Variants in ANXA5 observed in about 807,000 individuals in gnomAD.
The protein encoded by ANXA5 is CBP-I.
ANXA5 carries 40 observed loss-of-function variants against 48.1 expected under a neutral mutation model. The ratio of observed to expected loss-of-function variants is 0.83; its 90% CI spans 0.65 to 1.08. The LOEUF is 1.08. Among genes scored for constraint, ANXA5 ranks in the 50% least tolerant of loss-of-function variants. The pLI is 0.00. For synonymous variants in ANXA5, 113 were observed against 129.1 expected (o/e 0.88, Z 0.85); for missense variants, 357 against 376.8 (o/e 0.95, Z 0.44).
chr4:121,690,626 A>T (rs1724967788), intron 2 of ANXA5, among the ~76,000 whole-genome samples: 1 of 152,206 alleles, frequency 6.6e-6, no homozygotes, highest in Admixed American at 6.5e-5. Context: ...AAACTTCTGG[A>T]GAGACAGAGA....
chr4:121,678,787 A>T (rs1425236539), intron 6 of ANXA5, among the ~76,000 whole-genome samples: 1 of 152,200 alleles, frequency 6.6e-6, no homozygotes, highest in Non-Finnish European at 1.5e-5. Flanking sequence ...ATGGTACTGG[A>T]AAGTCTCCAA....
At chr4:121,686,525 G>C (rs1012303052) in intron 2 of ANXA5, among the ~76,000 whole-genome samples, 153 bp from the exon 3 acceptor site, 43 of 152,088 alleles carry the variant, frequency 2.8e-4, no homozygotes, top group African/African-American at 1.0e-3. Flanking sequence ...ACTGGGAAGG[G>C]AACCATTTAC....
At chr4:121,670,848 C>CT (rs1219350059) in intron 10 of ANXA5, among the ~76,000 whole-genome samples, 1 of 152,104 alleles carries the variant, frequency 6.6e-6, no homozygotes, top group Non-Finnish European at 1.5e-5. Context: ...TCATGCAGAT[C>CT]TTTAGCTTAG....
intron 2 of ANXA5, among the ~76,000 whole-genome samples, chr4:121,696,331 C>A (rs1263410905): frequency 6.6e-6 from 1 of 152,082 alleles, no homozygotes; most frequent in African/African-American, 2.4e-5. Context: ...GGCCACGTCA[C>A]CAGCTGTTGC....
At position 121,671,560 on chromosome 4, in the gene ANXA5, T is replaced by C. The variant is rs1224752019; in HGVS notation, c.708A>G (p.Leu236=). 1 of 1,611,442 alleles carries C rather than the reference T, an allele frequency of 6.2e-7. No individual in the cohort carries two copies. Among genetic ancestry groups the C allele is most frequent in the South Asian group, 1.1e-5 (1 of 90,988 alleles). The change falls in exon 10 of 13, where the codon CTA becomes CTG. Residue 236 remains leucine (L), a synonymous_variant. Coordinates refer to ENST00000296511, the MANE Select transcript of ANXA5 (RefSeq NM_001154.4). ...TAAATCACCTACCAACAGCAAGGAGTAGTTGCTCTAAATTGCCAGAAGTCT... is the reference window on the plus strand; with the variant it reads ...TAAATCACCTACCAACAGCAAGGAGCAGTTGCTCTAAATTGCCAGAAGTCT... ...DRETSGNLEQ[L]LLAVVKSIRS...
At chr4:121,686,466 C>G (rs1724892608) in intron 2 of ANXA5, 94 bp from the exon 3 acceptor site, 6 of 879,650 alleles carry the variant, frequency 6.8e-6, no homozygotes, top group Non-Finnish European at 1.1e-5. Flanking sequence ...ATATCATATT[C>G]AGTCATTAAA....
chr4:121,671,661 A>G lies in ANXA5; in HGVS notation c.626-19T>C. Reference sequence around the variant, plus strand: ...TCAAACACTAGAAAAAATAAAAATGATTCCCTAATCATGTAGGGATCACTC... The same window carrying G: ...TCAAACACTAGAAAAAATAAAAATGGTTCCCTAATCATGTAGGGATCACTC... On this transcript the variant is annotated intron_variant, in intron 9 of 12. Coordinates refer to ENST00000296511, the MANE Select transcript of ANXA5 (RefSeq NM_001154.4). The G allele has an allele frequency of 6.6e-7, 1 of 1,523,472 alleles. No homozygotes were observed. The highest frequency in any genetic ancestry group is 2.3e-5 in the East Asian group (1 of 44,292). The allele number at this position is 1,523,472 out of a possible 1,614,324, so 94.4% of individuals were successfully genotyped here. A position where few individuals can be genotyped will look rare whatever the true frequency, so the allele number is the denominator to read the frequency against.
chr4:121,672,336 C>T (rs1029296407), intron 9 of ANXA5, among the ~76,000 whole-genome samples, 197 bp downstream of exon 9: 1 of 152,160 alleles, frequency 6.6e-6, no homozygotes, highest in Non-Finnish European at 1.5e-5. Flanking sequence ...GAAGGGTGGA[C>T]TCAGGATCTC....
In ANXA5 at chr4:121,677,871, C is replaced by T. The variant is rs775357757; in HGVS notation, c.531+23G>A. The T allele has an allele frequency of 5.7e-6, 9 of 1,592,916 alleles. No individual in the cohort carries two copies. In the East Asian group the frequency reaches 1.8e-4, roughly 32 times the overall value. On this transcript the variant is annotated intron_variant, in intron 8 of 12. Coordinates refer to ENST00000296511, the MANE Select transcript of ANXA5 (RefSeq NM_001154.4). ...CTTCATTTCTACAGCATAATAAAGT[C>T]ATCATATCCTGGTGTCACTCACCTG...
rs56318083 is a variant in ANXA5 at position 121,669,430 on chromosome 4, C to T, written c.903+172G>A. On this transcript the variant is annotated intron_variant, in intron 12 of 12. Coordinates refer to ENST00000296511, the MANE Select transcript of ANXA5 (RefSeq NM_001154.4). ...AATACCCATGCTTTCACTTGGGAGC[C>T]ATCATCTCTACTTCAGGAAACATTA... 5.2e-3 allele frequency: 4,003 copies of T among 767,324 alleles called. 125 individuals are homozygous for T. In the African/African-American group the frequency reaches 0.063, roughly 12 times the overall value. 47.5% of individuals were successfully genotyped at this position (767,324 alleles called of 1,614,324 possible). A position where few individuals can be genotyped will look rare whatever the true frequency, so the allele number is the denominator to read the frequency against.
chr4:121,678,498 CA>C lies in ANXA5; in HGVS notation c.395-5del. On this transcript the variant is annotated splice_region_variant and splice_polypyrimidine_tract_variant and intron_variant, in intron 6 of 12. Transcript: ENST00000296511. The stretch of plus-strand genomic sequence containing the variant: ...TCTTCCAGGCTTGAGCCATATTCTG[CA>C]ACAAAATAATTTCATACTTATTTAC... 6.2e-7 allele frequency: 1 copy of C among 1,611,706 alleles called. No individual in the cohort carries two copies.
At chr4:121,686,774 G>T (rs1724898119) in intron 2 of ANXA5, among the ~76,000 whole-genome samples, 1 of 152,122 alleles carries the variant, frequency 6.6e-6, no homozygotes, top group African/African-American at 2.4e-5. Flanking sequence ...TTTAAGCAGT[G>T]CTCTTGTTAC....
chr4:121,683,984 T>C (rs973362194), intron 4 of ANXA5, among the ~76,000 whole-genome samples: 2 of 152,034 alleles, frequency 1.3e-5, no homozygotes, highest in East Asian at 1.9e-4. Flanking sequence ...AAATTGTGTA[T>C]GTAATTATGA....
intron 12 of ANXA5, among the ~76,000 whole-genome samples, chr4:121,668,940 C>T (rs2110477826): frequency 6.6e-6 from 1 of 151,672 alleles, no homozygotes; most frequent in South Asian, 2.1e-4. Flanking sequence ...GCTAAAAGTG[C>T]ATGGGTAAAC....
chr4:121,696,807 C>T (rs1353353999), intron 1 of ANXA5, 56 bp downstream of exon 1: 1 of 384,724 alleles, frequency 2.6e-6, no homozygotes, highest in African/African-American at 2.1e-5. Context: ...TCCAGTGCCC[C>T]GCGACCACGC....
intron 8 of ANXA5, among the ~76,000 whole-genome samples, chr4:121,676,415 G>T (rs1724699118): frequency 6.6e-6 from 1 of 152,120 alleles, no homozygotes; most frequent in Non-Finnish European, 1.5e-5. Flanking sequence ...AAGAGCTTTG[G>T]AGTCAGACAG....
chr4:121,676,233 A>G (rs1257650634), intron 8 of ANXA5, among the ~76,000 whole-genome samples: 1 of 152,228 alleles, frequency 6.6e-6, no homozygotes, highest in Non-Finnish European at 1.5e-5. Context: ...TTCCCGAAAG[A>G]AGGTGGAATT....
rs1724954101 is a variant in ANXA5 at position 121,689,981 on chromosome 4, AC to A, written c.10-3610del. ...AGTAGGCTTGGTGAGTTGTCAGCAT[AC>A]GCCGGTAGTAGCTGGAGGGGGCCAC... On this transcript the variant is annotated intron_variant, in intron 2 of 12. Transcript: ENST00000296511. Among the ~76,000 whole-genome samples, 5 of 152,242 alleles carry A rather than the reference AC, an allele frequency of 3.3e-5. 1 individual carries two copies. The highest frequency in any genetic ancestry group is 1.2e-4 in the African/African-American group (5 of 41,552).
At chr4:121,670,264 A>G (rs1268429069) in intron 10 of ANXA5, among the ~76,000 whole-genome samples, 1 of 152,196 alleles carries the variant, frequency 6.6e-6, no homozygotes, top group Non-Finnish European at 1.5e-5. Flanking sequence ...AGGTTTTTCT[A>G]TGCGCCTTGG....
Sources: gnomAD v4.1 joint callset for allele counts (sites outside exome capture counted in the v4.1 genomes callset) on GRCh38, gnomAD v4.1.1 for gene constraint, MANE v1.5 for transcripts, NCBI Gene and HGNC (gene_info 2026-07-23, HGNC 2026-07-21) for gene names.